Variants in ASCC3 observed in about 807,000 individuals in gnomAD.
ASCC3 encodes ASC-1 complex subunit P200.
Under a neutral mutation model 256.3 loss-of-function variants are expected in ASCC3, and 158 were observed. The observed-to-expected ratio is 0.62, with a 90% confidence interval of 0.54 to 0.70. ASCC3 has a LOEUF of 0.70. Among genes scored for constraint, ASCC3 ranks in the 30% least tolerant of loss-of-function variants. The pLI, the probability that ASCC3 is intolerant of heterozygous loss-of-function variation, is 0.00. For missense variants in ASCC3, 2,259 were observed against 2,626.0 expected, an observed-to-expected ratio of 0.86 and a Z score of 3.05; for synonymous variants, 948 against 883.4, an observed-to-expected ratio of 1.07 and a Z score of -1.30.
intron 8 of ASCC3, among the ~76,000 whole-genome samples, chr6:100,791,215 C>G (rs559149307): frequency 6.6e-6 from 1 of 151,968 alleles, no homozygotes; most frequent in East Asian, 1.9e-4. Context: ...ATGTACCACA[C>G]TGAATGTATC....
intron 4 of ASCC3, among the ~76,000 whole-genome samples, chr6:100,823,745 A>C (rs1771166762): frequency 2.0e-5 from 3 of 152,232 alleles, no homozygotes; most frequent in African/African-American, 7.2e-5. Context: ...ATTTCAGGGC[A>C]TGCACAAACT....
intron 36 of ASCC3, among the ~76,000 whole-genome samples, chr6:100,549,479 GT>G (rs1284926376): frequency 6.6e-6 from 1 of 151,868 alleles, no homozygotes; most frequent in Non-Finnish European, 1.5e-5. Flanking sequence ...TGTCATGTTA[GT>G]TTTTTCCTTT....
chr6:100,806,442 G>A (rs1770186452), intron 4 of ASCC3, among the ~76,000 whole-genome samples: 3 of 151,966 alleles, frequency 2.0e-5, no homozygotes, highest in Non-Finnish European at 4.4e-5. Flanking sequence ...CTCCTATGCA[G>A]AGTAGTTACC....
At position 100,721,969 on chromosome 6, in the gene ASCC3, T is replaced by A. The variant is rs112302352; in HGVS notation, c.1902+3570A>T. On this transcript the variant is annotated intron_variant, in intron 11 of 41. Transcript: ENST00000369162. ...TGTAGGATTTTTATTGTTTAAGATC[T>A]TACATTTAAATCTTTAATCCATCTT... 5.5e-3 allele frequency among the ~76,000 whole-genome samples: 834 copies of A among 151,968 alleles called. 9 individuals are homozygous for A. The highest frequency in any genetic ancestry group is 0.019 in the African/African-American group (797 of 41,538).
chr6:100,612,251 A>T (rs1043585260), intron 30 of ASCC3, among the ~76,000 whole-genome samples: 1 of 152,014 alleles, frequency 6.6e-6, no homozygotes, highest in Non-Finnish European at 1.5e-5. Context: ...GTCGAATATA[A>T]TTCAGTGAGT....
chr6:100,650,492 A>G (rs755328210), intron 20 of ASCC3, 46 bp downstream of exon 20: 1 of 1,591,098 alleles, frequency 6.3e-7, no homozygotes, highest in South Asian at 1.1e-5. Context: ...TTGGTCCTCT[A>G]AATATATTCA....
At chr6:100,552,481 T>C (rs375034409) in intron 36 of ASCC3, among the ~76,000 whole-genome samples, 2 of 152,064 alleles carry the variant, frequency 1.3e-5, no homozygotes, top group East Asian at 1.9e-4. Context: ...GCTTGTAATA[T>C]AAGAGACAGT....
At position 100,805,843 on chromosome 6, in the gene ASCC3, A is replaced by G. The variant is rs755906047; in HGVS notation, c.839T>C (p.Ile280Thr). 4.3e-6 allele frequency: 7 copies of G among 1,611,626 alleles called. 1 individual carries two copies. Among genetic ancestry groups the G allele is most frequent in the South Asian group, 3.3e-5 (3 of 90,994 alleles). The change falls in exon 5 of 42, where the codon ATT (isoleucine) becomes ACT (threonine). Residue 280 changes from isoleucine (I) to threonine (T), a missense_variant. Ile to Thr is a moderately conservative substitution (Grantham distance 89). Coordinates refer to ENST00000369162, the MANE Select transcript of ASCC3 (RefSeq NM_006828.4). ...AATTCTGTTCTGGAGGAGTTTCTCA[A>G]TAAGTTCAAGTCCTTCAGGTCCCAG... Reference protein sequence around the residue: ...ELLGPEGLELIEKLLQNRITI... With the variant: ...ELLGPEGLELTEKLLQNRITI...
chr6:100,738,634 T>C (rs1479078902), intron 10 of ASCC3, among the ~76,000 whole-genome samples: 2 of 152,224 alleles, frequency 1.3e-5, no homozygotes, highest in Non-Finnish European at 2.9e-5. Context: ...TAGTACAGTT[T>C]AAAGTCAGGT....
intron 37 of ASCC3, among the ~76,000 whole-genome samples, chr6:100,531,308 C>G (rs1774861049): frequency 6.6e-6 from 1 of 152,170 alleles, no homozygotes; most frequent in Non-Finnish European, 1.5e-5. Flanking sequence ...CATCTGTGGA[C>G]CATCCTACTT....
Position 100,872,023 on chromosome 6 carries a change from C to G in ASCC3, c.-41-3985G>C, listed in dbSNP as rs141264888. On this transcript the variant is annotated intron_variant, in intron 1 of 41. Transcript: ENST00000369162. ...CACTGAGACACTGCAAAAATGTATT[C>G]AAGATAACTAAATTTAGTCAAGTCT... Among the ~76,000 whole-genome samples, 45 of 152,224 alleles carry G rather than the reference C, an allele frequency of 3.0e-4. No individual in the cohort carries two copies. In the East Asian group the frequency reaches 7.0e-3, roughly 24 times the overall value.
At chr6:100,879,194 A>T (rs533233790) in intron 1 of ASCC3, among the ~76,000 whole-genome samples, 1 of 152,300 alleles carries the variant, frequency 6.6e-6, no homozygotes, top group East Asian at 1.9e-4. Flanking sequence ...TCCATGCAGA[A>T]CTTCCAAGTA....
intron 16 of ASCC3, among the ~76,000 whole-genome samples, chr6:100,660,509 T>C (rs1776141874): frequency 2.0e-5 from 3 of 151,730 alleles, no homozygotes; most frequent in Admixed American, 6.6e-5. Context: ...TAATATTTCC[T>C]TTGGATTCAA....
intron 10 of ASCC3, among the ~76,000 whole-genome samples, chr6:100,741,500 C>G (rs1408513742): frequency 6.6e-6 from 1 of 152,154 alleles, no homozygotes; most frequent in Non-Finnish European, 1.5e-5. Context: ...CCATTCTCCC[C>G]ATCTCGTTTA....
In ASCC3 at chr6:100,565,097, T is replaced by A. The variant is rs1221568031; in HGVS notation, c.5550+24537A>T. On this transcript the variant is annotated intron_variant, in intron 36 of 41. Coordinates refer to ENST00000369162, the MANE Select transcript of ASCC3 (RefSeq NM_006828.4). ...ACTAAACATCACAGTCCAACCAAAT[T>A]AGAGTTGGCATTACCAAAGAACTGG... Among the ~76,000 whole-genome samples, 6 of 152,306 alleles carry A rather than the reference T, an allele frequency of 3.9e-5. No individual in the cohort carries two copies. The East Asian group carries it at 1.2e-3, about 29-fold the overall frequency.
intron 24 of ASCC3, among the ~76,000 whole-genome samples, chr6:100,642,110 A>G (rs1775152744): frequency 6.6e-6 from 1 of 151,984 alleles, no homozygotes; most frequent in South Asian, 2.1e-4. Flanking sequence ...ACATGTACAC[A>G]TATGTAACAA....
At chr6:100,659,165 C>T (rs1776066327) in intron 16 of ASCC3, among the ~76,000 whole-genome samples, 1 of 151,334 alleles carries the variant, frequency 6.6e-6, no homozygotes, top group South Asian at 2.1e-4. Context: ...TTAATAGAGG[C>T]AACATTCTTA....
chr6:100,769,826 T>G (rs540290476), intron 8 of ASCC3, among the ~76,000 whole-genome samples: 1 of 151,970 alleles, frequency 6.6e-6, no homozygotes, highest in Non-Finnish European at 1.5e-5. Flanking sequence ...TATATGCCAG[T>G]AAATCTGACA....
chr6:100,880,577 T>A (rs555097461), intron 1 of ASCC3, among the ~76,000 whole-genome samples: 11 of 152,206 alleles, frequency 7.2e-5, no homozygotes, highest in African/African-American at 2.4e-4. Context: ...ATTTATTTAT[T>A]TCAAAATGAC....
Sources: allele counts gnomAD v4.1 joint callset (sites outside exome capture counted in the v4.1 genomes callset), GRCh38; gene constraint gnomAD v4.1.1; transcripts MANE v1.5; gene names NCBI Gene and HGNC (gene_info 2026-07-23, HGNC 2026-07-21).